The following KCNJ5 variants were observed in gnomAD, a reference collection of about 807,000 sequenced individuals.
The protein encoded by KCNJ5 is G protein-activated inward rectifier potassium channel 4.
In KCNJ5, 12 loss-of-function variants were observed where a neutral mutation model predicts 20.2. The observed-to-expected ratio is 0.59, with a 90% CI of 0.38 to 0.96. The LOEUF (loss-of-function observed/expected upper bound fraction) is 0.96. KCNJ5 is among the 40% of genes least tolerant of loss of function. KCNJ5 has a pLI of 0.00. For missense variants in KCNJ5, 449 were observed against 557.6 expected (o/e 0.81, Z 1.96); for synonymous variants, 210 against 213.9 (o/e 0.98, Z 0.16).
At position 128,917,866 on chromosome 11, in the gene KCNJ5, T is replaced by C; in HGVS notation, c.*1135T>C. 1 of 152,428 alleles carries C rather than the reference T, an allele frequency of 6.6e-6. No individual in the cohort carries two copies. Among genetic ancestry groups the C allele is most frequent in the South Asian group, 2.1e-4 (1 of 4,838 alleles). 9.4% of individuals were successfully genotyped at this position (152,428 alleles called of 1,614,324 possible). A position where few individuals can be genotyped will look rare whatever the true frequency, so the allele number is the denominator to read the frequency against. ...GTCAGGAGATCGAGACCATCCTGGCTAACACGGTGAAACCCCGTCTCTACT... is the reference window on the plus strand; with the variant it reads ...GTCAGGAGATCGAGACCATCCTGGCCAACACGGTGAAACCCCGTCTCTACT... On this transcript the variant is annotated 3_prime_UTR_variant, in exon 3 of 3. Transcript: ENST00000529694.
chr11:128,907,586 A>T (rs920994899), intron 1 of KCNJ5, among the ~76,000 whole-genome samples: 1 of 152,220 alleles, frequency 6.6e-6, no homozygotes, highest in African/African-American at 2.4e-5. Flanking sequence ...AGCTTTCATC[A>T]TGTCTCAACA....
rs1944142303 is a variant in KCNJ5, at chr11:128,894,533, A to G, written c.-11+2812A>G. ...TCAGATAACTGTTAAGATAGTCGTC[A>G]GCCACGAAGGAATCTTTCTGTGTTT... On this transcript the variant is annotated intron_variant, in intron 1 of 2. Coordinates refer to ENST00000529694, the MANE Select transcript of KCNJ5 (RefSeq NM_000890.5). 2.0e-5 allele frequency among the ~76,000 whole-genome samples: 3 copies of G among 152,396 alleles called. No homozygotes were observed. In the East Asian group the frequency reaches 5.8e-4, roughly 29 times the overall value.
intron 1 of KCNJ5, chr11:128,900,904 T>C (rs1944263490): frequency 1.3e-5 from 2 of 152,320 alleles, no homozygotes; most frequent in South Asian, 2.1e-4. Context: ...TCAGACCTTA[T>C]ATCTGCTCTT....
intron 1 of KCNJ5, among the ~76,000 whole-genome samples, chr11:128,907,066 T>G (rs1944429691): frequency 1.3e-5 from 2 of 152,218 alleles, no homozygotes. Context: ...TTCCTATGAG[T>G]ACAGTCATAT....
At chr11:128,912,957 A>C (rs1294607205) in intron 2 of KCNJ5, among the ~76,000 whole-genome samples, 4 of 152,214 alleles carry the variant, frequency 2.6e-5, no homozygotes, top group Non-Finnish European at 5.9e-5. Context: ...CAACAGGACA[A>C]ACTGCCCCTT....
intron 1 of KCNJ5, among the ~76,000 whole-genome samples, chr11:128,910,819 G>T (rs1426705924): frequency 6.6e-6 from 1 of 152,200 alleles, no homozygotes; most frequent in Non-Finnish European, 1.5e-5. Flanking sequence ...TGATTCATAA[G>T]CAAACAATAT....
At chr11:128,912,892 T>A (rs1043063967) in intron 2 of KCNJ5, among the ~76,000 whole-genome samples, 1 of 152,204 alleles carries the variant, frequency 6.6e-6, no homozygotes, top group South Asian at 2.1e-4. Flanking sequence ...CACTTTCGAA[T>A]GATAGAGCTA....
rs1944635136 is a variant in KCNJ5 at position 128,919,319 on chromosome 11, G to C, written c.*2588G>C. 6.6e-6 allele frequency: 1 copy of C among 152,470 alleles called. No homozygotes were observed. The highest frequency in any genetic ancestry group is 1.5e-5 in the Non-Finnish European group (1 of 68,242). 9.4% of individuals were successfully genotyped at this position (152,470 alleles called of 1,614,324 possible). ...CTCTCACTCCACCAGGGCCCTCCGT[G>C]AGCCAGGACCAGGTCACATCTCTCA... On this transcript the variant is annotated 3_prime_UTR_variant, in exon 3 of 3. Coordinates refer to ENST00000529694, the MANE Select transcript of KCNJ5 (RefSeq NM_000890.5).
chr11:128,908,804 C>T lies in KCNJ5; in HGVS notation c.-10-2460C>T, dbSNP rs75619335. ...GTGGCTCAGGGAGTCCGCAGCGGCA[C>T]CCCCATTGGAAGCCTATCTTGGTTC... On this transcript the variant is annotated intron_variant, in intron 1 of 2. Transcript: ENST00000529694. Among the ~76,000 whole-genome samples, 716 of 152,284 alleles carry T rather than the reference C, an allele frequency of 4.7e-3. 7 individuals carry two copies. Among genetic ancestry groups the T allele is most frequent in the Admixed American group, 0.025 (389 of 15,294 alleles).
chr11:128,909,631 G>A (rs1346564643), intron 1 of KCNJ5, among the ~76,000 whole-genome samples: 1 of 152,166 alleles, frequency 6.6e-6, no homozygotes. Context: ...TCAGTGCCAG[G>A]GAATGTTTCC....
intron 1 of KCNJ5, among the ~76,000 whole-genome samples, chr11:128,895,376 G>GCCCCCCCCCC (rs1393711093): frequency 1.5e-5 from 1 of 65,134 alleles, no homozygotes; most frequent in Non-Finnish European, 3.2e-5. Flanking sequence ...CTTAGAGTGT[G>GCCCCCCCCCC]CCCCCACCCC....
chr11:128,893,423 C>T (rs1591436360), intron 1 of KCNJ5, among the ~76,000 whole-genome samples: 1 of 151,672 alleles, frequency 6.6e-6, no homozygotes, highest in Non-Finnish European at 1.5e-5. Flanking sequence ...CATAGCAAGA[C>T]CCCATCTCAA....
Position 128,916,765 on chromosome 11 carries a change from G to T in KCNJ5, c.*34G>T, listed in dbSNP as rs116494206. ...GCCTCCCTAAGACCTCCTGTCACTG[G>T]CTTCAGTGAACACAGACACTGCAGA... On this transcript the variant is annotated 3_prime_UTR_variant, in exon 3 of 3. Coordinates refer to ENST00000529694, the MANE Select transcript of KCNJ5 (RefSeq NM_000890.5). The T allele has an allele frequency of 1.9e-3, 2,783 of 1,481,044 alleles. 42 individuals are homozygous for T. The African/African-American group carries it at 0.034, about 18-fold the overall frequency. 91.7% of individuals were successfully genotyped at this position (1,481,044 alleles called of 1,614,324 possible).
rs1416780786 is a variant in KCNJ5, at chr11:128,916,763, T to G, written c.*32T>G. On this transcript the variant is annotated 3_prime_UTR_variant, in exon 3 of 3. Transcript: ENST00000529694. ...CAGCCTCCCTAAGACCTCCTGTCAC[T>G]GGCTTCAGTGAACACAGACACTGCA... 6.7e-7 allele frequency: 1 copy of G among 1,499,724 alleles called. No homozygotes were observed. The highest frequency in any genetic ancestry group is 1.4e-5 in the African/African-American group (1 of 72,112). The allele number at this position is 1,499,724 out of a possible 1,614,324, so 92.9% of individuals were successfully genotyped here.
intron 1 of KCNJ5, among the ~76,000 whole-genome samples, chr11:128,894,783 G>A (rs1024579899): frequency 7.2e-5 from 11 of 152,236 alleles, no homozygotes; most frequent in Non-Finnish European, 1.6e-4. Flanking sequence ...CTGTGCAGCA[G>A]CAGCTTATCT....
In KCNJ5 at chr11:128,896,407, T is replaced by A. The variant is rs367834558; in HGVS notation, c.-11+4686T>A. ...TTTCCATCACCAGGAGGACCTCTTA[T>A]GTGGCCCTATTATAGCCACACCCAC... is the stretch of plus-strand genomic sequence containing the variant. On this transcript the variant is annotated intron_variant, in intron 1 of 2. Coordinates refer to ENST00000529694, the MANE Select transcript of KCNJ5 (RefSeq NM_000890.5). Among the ~76,000 whole-genome samples, 5 of 152,338 alleles carry A rather than the reference T, an allele frequency of 3.3e-5. No homozygotes were observed. The East Asian group carries it at 9.6e-4, about 29-fold the overall frequency.
chr11:128,902,163 C>T (rs758060281), intron 1 of KCNJ5: 2 of 202,752 alleles, frequency 9.9e-6, no homozygotes, highest in African/African-American at 4.7e-5. Context: ...GCATAAAAAT[C>T]AGCACCTGGG....
At chr11:128,900,954 T>C (rs1944265206) in intron 1 of KCNJ5, 1 of 152,250 alleles carries the variant, frequency 6.6e-6, no homozygotes, top group Admixed American at 6.5e-5. Flanking sequence ...AAGTACATTA[T>C]ACCAGTATTT....
At chr11:128,901,498 A>G (rs1037161857) in intron 1 of KCNJ5, 1 of 152,294 alleles carries the variant, frequency 6.6e-6, no homozygotes, top group African/African-American at 2.4e-5. Context: ...AAAAGCAAAA[A>G]GAGTGCAAAG....
Sources: gnomAD v4.1 joint callset for allele counts (sites outside exome capture counted in the v4.1 genomes callset) on GRCh38, gnomAD v4.1.1 for gene constraint, MANE v1.5 for transcripts, NCBI Gene and HGNC (gene_info 2026-07-23, HGNC 2026-07-21) for gene names.